UBE2D3: variants seen among roughly 807,000 people sequenced by gnomAD.
UBE2D3 encodes the protein ubiquitin-conjugating enzyme E2 D3.
Under a neutral mutation model 22.8 loss-of-function variants are expected in UBE2D3, and 2 were observed. The observed-to-expected ratio is 0.09, with a 90% CI of 0.04 to 0.28. UBE2D3 has a LOEUF of 0.28. UBE2D3 is among the 10% of genes least tolerant of loss of function. The probability of loss-of-function intolerance (pLI) is 1.00; values close to 1 mark genes in which losing one functional copy is unlikely to be tolerated. For missense variants in UBE2D3, 27 were observed against 182.5 expected (o/e 0.15, Z 4.91); for synonymous variants, 56 against 60.4 (o/e 0.93, Z 0.34).
At chr4:102,843,905 T>TA (rs1298214317) in intron 1 of UBE2D3, 1 of 152,262 alleles carries the variant, frequency 6.6e-6, no homozygotes, top group Admixed American at 6.5e-5. Flanking sequence ...AGTAAGGACT[T>TA]ACTGTTATCC....
At chr4:102,844,280 G>GT (rs1731924175) in intron 1 of UBE2D3, among the ~76,000 whole-genome samples, 1 of 152,138 alleles carries the variant, frequency 6.6e-6, no homozygotes, top group Non-Finnish European at 1.5e-5. Context: ...GTCTTGCCAT[G>GT]TTATATAGGC....
At chr4:102,866,769 A>C (rs1456152067) in intron 1 of UBE2D3, among the ~76,000 whole-genome samples, 1 of 152,204 alleles carries the variant, frequency 6.6e-6, no homozygotes, top group Non-Finnish European at 1.5e-5. Context: ...CAGATCCTCT[A>C]AGAGAAGAAA....
Position 102,826,635 on chromosome 4 carries a change from G to C in UBE2D3, c.-127C>G. Reference sequence around the variant, plus strand: ...CACACCAGCTCTGCCAGACACAGGCGCCTTTTGCAAAAACGGAGCAGATCA... The same window carrying C: ...CACACCAGCTCTGCCAGACACAGGCCCCTTTTGCAAAAACGGAGCAGATCA... On this transcript the variant is annotated splice_region_variant and 5_prime_UTR_variant, in exon 2 of 8. Coordinates refer to ENST00000453744, the MANE Select transcript of UBE2D3 (RefSeq NM_181891.3). 6.4e-7 allele frequency: 1 copy of C among 1,571,874 alleles called. No homozygotes were observed. The highest frequency in any genetic ancestry group is 2.2e-5 in the East Asian group (1 of 44,654).
intron 2 of UBE2D3, among the ~76,000 whole-genome samples, chr4:102,816,598 C>A (rs904756230): frequency 3.3e-5 from 5 of 152,136 alleles, no homozygotes; most frequent in African/African-American, 1.2e-4. Flanking sequence ...TAGTGAGAGA[C>A]CAAATCTGAA....
intron 1 of UBE2D3, among the ~76,000 whole-genome samples, chr4:102,858,126 A>C (rs1732716398): frequency 6.6e-6 from 1 of 152,078 alleles, no homozygotes; most frequent in Admixed American, 6.6e-5. Flanking sequence ...ATCTTGCACT[A>C]ATAAGTTACT....
intron 4 of UBE2D3, among the ~76,000 whole-genome samples, chr4:102,804,080 A>G (rs1726630947): frequency 6.6e-6 from 1 of 152,010 alleles, no homozygotes; most frequent in African/African-American, 2.4e-5. Flanking sequence ...GAGCTTATTT[A>G]AAGTGAGTCC....
chr4:102,809,931 G>T, intron 2 of UBE2D3, 76 bp from the exon 3 acceptor site: 2 of 1,420,102 alleles, frequency 1.4e-6, no homozygotes, highest in Non-Finnish European at 2.0e-6. Flanking sequence ...ACTGCTTTCA[G>T]TTACTTTCAC....
chr4:102,799,802 T>C lies in UBE2D3; in HGVS notation c.305-302A>G, dbSNP rs540451671. ...TATTTTAAATAGGCATAAATGATAT[T>C]AGAACTTGAGTTTCTTGGTACTCAG... is the stretch of plus-strand genomic sequence containing the variant. On this transcript the variant is annotated intron_variant, in intron 6 of 7. Transcript: ENST00000453744. Among the ~76,000 whole-genome samples, 41 of 134,788 alleles carry C rather than the reference T, an allele frequency of 3.0e-4. No homozygotes were observed. The South Asian group carries it at 9.7e-3, about 32-fold the overall frequency. 88.4% of individuals were successfully genotyped at this position (134,788 alleles called of 152,430 possible).
At position 102,809,659 on chromosome 4, in the gene UBE2D3, T is replaced by G; in HGVS notation, c.120+13A>C. 1 of 1,593,556 alleles carries G rather than the reference T, an allele frequency of 6.3e-7. No individual in the cohort carries two copies. The highest frequency in any genetic ancestry group is 8.5e-7 in the Non-Finnish European group (1 of 1,173,082). On this transcript the variant is annotated intron_variant, in intron 4 of 7. Coordinates refer to ENST00000453744, the MANE Select transcript of UBE2D3 (RefSeq NM_181891.3). ...TTCACTTAAAACTAAATTTAAAAAT[T>G]CTTAATACTTACAGGTCCCATAATT...
chr4:102,857,980 C>T (rs1732710315), intron 1 of UBE2D3, among the ~76,000 whole-genome samples: 1 of 152,000 alleles, frequency 6.6e-6, no homozygotes, highest in Non-Finnish European at 1.5e-5. Context: ...GCATGAGCCA[C>T]CGTGCCCGGC....
intron 2 of UBE2D3, among the ~76,000 whole-genome samples, chr4:102,816,302 C>A (rs889367736): frequency 6.6e-6 from 1 of 152,194 alleles, no homozygotes; most frequent in African/African-American, 2.4e-5. Flanking sequence ...ATCAAAGGGA[C>A]ATTCTTCCTT....
chr4:102,868,353 C>T (rs1418739646), intron 1 of UBE2D3, among the ~76,000 whole-genome samples: 1 of 152,032 alleles, frequency 6.6e-6, no homozygotes, highest in Non-Finnish European at 1.5e-5. Context: ...CAGACGTGAG[C>T]CACCGCGCCC....
At position 102,810,593 on chromosome 4, in the gene UBE2D3, G is replaced by C. The variant is rs1270807240; in HGVS notation, c.25-738C>G. The stretch of plus-strand genomic sequence containing the variant: ...GGGATTTCACTGTGTTAACCAGGAT[G>C]GGTCTCGATCTCCTGACCTCGTGAT... On this transcript the variant is annotated intron_variant, in intron 2 of 7. Coordinates refer to ENST00000453744, the MANE Select transcript of UBE2D3 (RefSeq NM_181891.3). The C allele has an allele frequency of 3.3e-5, 5 of 151,848 alleles. No individual in the cohort carries two copies. The East Asian group carries it at 5.8e-4, about 18-fold the overall frequency. The allele number at this position is 151,848 out of a possible 1,614,324, so 9.4% of individuals were successfully genotyped here.
chr4:102,848,153 TATC>T (rs1466388708), intron 1 of UBE2D3, among the ~76,000 whole-genome samples: 1 of 152,158 alleles, frequency 6.6e-6, no homozygotes, highest in Non-Finnish European at 1.5e-5. Flanking sequence ...TTACTATGGT[TATC>T]ATGGTGATAC....
chr4:102,825,765 C>T (rs1578267748), intron 2 of UBE2D3: 3 of 468,268 alleles, frequency 6.4e-6, no homozygotes, highest in African/African-American at 2.0e-5. Flanking sequence ...TCCACCCCCA[C>T]TCTCCAGCCA....
At chr4:102,853,135 A>ACCT (rs752835398) in intron 1 of UBE2D3, among the ~76,000 whole-genome samples, 1 of 88,598 alleles carries the variant, frequency 1.1e-5, no homozygotes, top group African/African-American at 4.7e-5. Flanking sequence ...AAACACACAC[A>ACCT]TTTTTTTTTT....
chr4:102,838,393 T>C (rs569220377), intron 1 of UBE2D3, among the ~76,000 whole-genome samples: 1 of 152,158 alleles, frequency 6.6e-6, no homozygotes, highest in Admixed American at 6.5e-5. Context: ...CACATAGGAG[T>C]ACTTTCCCCA....
At chr4:102,807,155 C>T (rs562845191) in intron 4 of UBE2D3, among the ~76,000 whole-genome samples, 1 of 152,290 alleles carries the variant, frequency 6.6e-6, no homozygotes, top group African/African-American at 2.4e-5. Flanking sequence ...GCAAAAGTGA[C>T]GTTGTTAACT....
At chr4:102,841,606 G>T (rs1731760235) in intron 1 of UBE2D3, among the ~76,000 whole-genome samples, 1 of 152,104 alleles carries the variant, frequency 6.6e-6, no homozygotes, top group African/African-American at 2.4e-5. Flanking sequence ...CATTTTAAAA[G>T]ATTTTCATCA....
Sources: gnomAD v4.1 joint callset for allele counts (sites outside exome capture counted in the v4.1 genomes callset) on GRCh38, gnomAD v4.1.1 for gene constraint, MANE v1.5 for transcripts, NCBI Gene and HGNC (gene_info 2026-07-23, HGNC 2026-07-21) for gene names.